The following TCFL5 variants were observed in gnomAD, a reference collection of about 807,000 sequenced individuals.
The protein encoded by TCFL5 is transcription factor like 5.
A neutral mutation model predicts 44.3 loss-of-function variants in TCFL5; 9 were observed. The ratio of observed to expected loss-of-function variants is 0.20; its 90% CI spans 0.12 to 0.35. TCFL5 has a LOEUF of 0.35. Ranked by LOEUF, TCFL5 falls within the 10% of genes least tolerant of loss-of-function variation. The pLI, the probability that TCFL5 is intolerant of heterozygous loss-of-function variation, is 1.00. For missense variants in TCFL5, 603 were observed against 613.4 expected, an observed-to-expected ratio of 0.98 and a Z score of 0.18; for synonymous variants, 319 against 271.6, an observed-to-expected ratio of 1.17 and a Z score of -1.72.
At chr20:62,849,807 T>A (rs1398454718) in intron 5 of TCFL5, among the ~76,000 whole-genome samples, 1 of 151,730 alleles carries the variant, frequency 6.6e-6, no homozygotes, top group Non-Finnish European at 1.5e-5. Context: ...AAAATAAAAT[T>A]AGCTGGTCAT....
In TCFL5 at chr20:62,861,821, G is replaced by C. The variant is rs2064021246; in HGVS notation, c.-151C>G. 1 of 148,364 alleles carries C rather than the reference G, an allele frequency of 6.7e-6. No individual in the cohort carries two copies. The highest frequency in any genetic ancestry group is 6.7e-5 in the Admixed American group (1 of 14,886). The allele number at this position is 148,364 out of a possible 1,614,324, so 9.2% of individuals were successfully genotyped here. On this transcript the variant is annotated 5_prime_UTR_variant, in exon 1 of 6. Coordinates refer to ENST00000335351, the MANE Select transcript of TCFL5 (RefSeq NM_006602.4). The surrounding 1 kb of genome is among the most constrained non-coding windows in gnomAD (Gnocchi z 4.0). ...CCGTTGGGGGAGGGAAAACCGCTGA[G>C]TGCCGCGCACAGCGCCTGCGCCGCC...
intron 5 of TCFL5, chr20:62,845,688 G>A (rs900099147): frequency 6.2e-7 from 1 of 1,606,642 alleles, no homozygotes; most frequent in Non-Finnish European, 8.5e-7. Flanking sequence ...TGACGAGGTG[G>A]AAATCGAGGA....
chr20:62,860,227 T>A lies in TCFL5; in HGVS notation c.729A>T (p.Lys243Asn). The A allele has an allele frequency of 6.2e-7, 1 of 1,613,926 alleles. No homozygotes were observed. Reference sequence around the variant, plus strand: ...CAGTAGTTGTAGCCGCAGTTTTATTTTTCACTAATGCTGTACATTTGTTTT... The same window carrying A: ...CAGTAGTTGTAGCCGCAGTTTTATTATTCACTAATGCTGTACATTTGTTTT... Reference protein sequence around the residue: ...QQQNKCTALVKNKTAATTTAL... With the variant: ...QQQNKCTALVNNKTAATTTAL... Residue 243 changes from lysine (K) to asparagine (N), a missense_variant, in exon 2 of 6, where the codon AAA becomes AAT. Physicochemically the swap from Lys to Asn is moderately conservative, Grantham distance 94. Coordinates refer to ENST00000335351, the MANE Select transcript of TCFL5 (RefSeq NM_006602.4).
chr20:62,842,296 T>C lies in TCFL5; in HGVS notation c.1381-199A>G, dbSNP rs1261139538. ...AGATTTTAACTTTTTTTTTTTCAAA[T>C]AGCAGTTACACTGTACATGTACTTT... On this transcript the variant is annotated intron_variant, in intron 5 of 5. Coordinates refer to ENST00000335351, the MANE Select transcript of TCFL5 (RefSeq NM_006602.4). The surrounding 1 kb of genome is among the most constrained non-coding windows in gnomAD (Gnocchi z 4.3). 6.6e-6 allele frequency among the ~76,000 whole-genome samples: 1 copy of C among 152,070 alleles called. No individual in the cohort carries two copies. Among genetic ancestry groups the C allele is most frequent in the Non-Finnish European group, 1.5e-5 (1 of 68,024 alleles).
rs186507096 is a variant in TCFL5 at position 62,849,202 on chromosome 20, A to C, written c.1380+4814T>G. Among the ~76,000 whole-genome samples, 1,055 of 152,038 alleles carry C rather than the reference A, an allele frequency of 6.9e-3. 12 individuals are homozygous for C. The highest frequency in any genetic ancestry group is 0.024 in the African/African-American group (999 of 41,500). On this transcript the variant is annotated intron_variant, in intron 5 of 5. Transcript: ENST00000335351. ...CGGAAGTATTTAAGTATAAAGAAGC[A>C]TGGTGTCTGCAGCTTACTATCAAAT... is the stretch of plus-strand genomic sequence containing the variant.
At chr20:62,849,963 A>C (rs2063787127) in intron 5 of TCFL5, among the ~76,000 whole-genome samples, 1 of 144,820 alleles carries the variant, frequency 6.9e-6, no homozygotes, top group Non-Finnish European at 1.5e-5. Context: ...AAAAAAATAA[A>C]ACAAAACAAA....
chr20:62,854,577 C>T (rs2063859172), intron 4 of TCFL5, among the ~76,000 whole-genome samples: 1 of 152,230 alleles, frequency 6.6e-6, no homozygotes, highest in South Asian at 2.1e-4. Flanking sequence ...ACTGATATTA[C>T]TTGCCCTTCA....
chr20:62,845,387 T>C, intron 5 of TCFL5: 6 of 1,185,880 alleles, frequency 5.1e-6, no homozygotes, highest in South Asian at 1.7e-5. Flanking sequence ...CTTCCCAAAG[T>C]GCTGGGATTA....
At chr20:62,846,916 G>A (rs2063751660) in intron 5 of TCFL5, among the ~76,000 whole-genome samples, 1 of 152,094 alleles carries the variant, frequency 6.6e-6, no homozygotes. Flanking sequence ...CGGGTGCAGT[G>A]GCTCACACCT....
In TCFL5 at chr20:62,861,361, G is replaced by A. The variant is rs769773073; in HGVS notation, c.310C>T (p.Pro104Ser). 10 of 1,066,672 alleles carry A rather than the reference G, an allele frequency of 9.4e-6. No individual in the cohort carries two copies. The highest frequency in any genetic ancestry group is 8.2e-5 in the South Asian group (2 of 24,440). 66.1% of individuals were successfully genotyped at this position (1,066,672 alleles called of 1,614,324 possible). The change falls in exon 1 of 6, where the codon CCC becomes TCC. Residue 104 changes from proline to serine, a missense_variant. Physicochemically the swap from Pro to Ser is moderately conservative, Grantham distance 74. Around this residue, in one of 4 missense-constraint regions of TCFL5, gnomAD observed 540 missense variants for 478.7 expected, o/e 1.13. Coordinates refer to ENST00000335351, the MANE Select transcript of TCFL5 (RefSeq NM_006602.4). This position sits in a 1 kb window ranked among gnomAD's most constrained non-coding sequence, Gnocchi z 4.0. ...FAAGGQGGAAPVYPVLCPSAL... is the reference protein window; with the variant it reads ...FAAGGQGGAASVYPVLCPSAL... ...GACGGGCACAGCACGGGGTACACGG[G>A]CGCCGCGCCCCCCTGACCGCCCGCC...
At chr20:62,847,970 G>A (rs969832298) in intron 5 of TCFL5, among the ~76,000 whole-genome samples, 19 of 137,634 alleles carry the variant, frequency 1.4e-4, no homozygotes, top group African/African-American at 5.0e-4. Context: ...GACAAGCGCC[G>A]GGCAGCCGGG....
chr20:62,860,139 G>A lies in TCFL5; in HGVS notation c.817C>T (p.Leu273Phe), dbSNP rs1472039905. Residue 273 changes from leucine to phenylalanine, a missense_variant, in exon 2 of 6, where the codon CTT becomes TTT. Transcript: ENST00000335351. ...ATGTTCCCTACCTGTGTCTGTGAAA[G>A]ATTAGAATTTCCACTAGTAGAGCAA... ...NACSTSGNSNLSQTQSSSNSC... is the reference protein window; with the variant it reads ...NACSTSGNSNFSQTQSSSNSC... The A allele has an allele frequency of 1.9e-6, 3 of 1,608,976 alleles. No homozygotes were observed. Among genetic ancestry groups the A allele is most frequent in the South Asian group, 1.1e-5 (1 of 90,948 alleles).
At chr20:62,843,731 A>C (rs1367699027) in intron 5 of TCFL5, among the ~76,000 whole-genome samples, 3 of 152,182 alleles carry the variant, frequency 2.0e-5, no homozygotes. Context: ...CTCCGTACCC[A>C]TTAAACACTA....
intron 5 of TCFL5, among the ~76,000 whole-genome samples, chr20:62,853,775 TC>T (rs1484907596): frequency 2.0e-5 from 3 of 152,216 alleles, no homozygotes; most frequent in African/African-American, 7.2e-5. Flanking sequence ...CAATTTGCTA[TC>T]TGACAATTGC....
intron 5 of TCFL5, chr20:62,851,643 AAT>A: frequency 1.0e-6 from 1 of 985,428 alleles, no homozygotes; most frequent in Non-Finnish European, 1.2e-6. Context: ...TTAAATGTAT[AAT>A]GTAAATAAAC....
chr20:62,856,816 C>T (rs568034783), intron 4 of TCFL5, among the ~76,000 whole-genome samples: 68 of 152,086 alleles, frequency 4.5e-4, no homozygotes, highest in African/African-American at 1.6e-3. Flanking sequence ...GGCCTGCAGT[C>T]AGGGCTGGCC....
In TCFL5 at chr20:62,859,351, C is replaced by T; in HGVS notation, c.994+13G>A. 1 of 1,600,400 alleles carries T rather than the reference C, an allele frequency of 6.2e-7. No individual in the cohort carries two copies. Among genetic ancestry groups the T allele is most frequent in the Non-Finnish European group, 8.5e-7 (1 of 1,170,918 alleles). ...AGAAGAAAGCTCCCACTACCTGCTGCTTCATCGCTTACCTCCCACTTTAAT... is the reference window on the plus strand; with the variant it reads ...AGAAGAAAGCTCCCACTACCTGCTGTTTCATCGCTTACCTCCCACTTTAAT... On this transcript the variant is annotated intron_variant, in intron 3 of 5. Transcript: ENST00000335351.
Position 62,860,134 on chromosome 20 carries a change from T to C in TCFL5, c.822A>G (p.Ser274=), listed in dbSNP as rs1344677499. 2 of 1,606,972 alleles carry C rather than the reference T, an allele frequency of 1.2e-6. No individual in the cohort carries two copies. The highest frequency in any genetic ancestry group is 1.3e-5 in the African/African-American group (1 of 74,828). ...ACSTSGNSNL[S]QTQSSSNSCS... is the part of the protein sequence containing the mutation. ...AAATCATGTTCCCTACCTGTGTCTGTGAAAGATTAGAATTTCCACTAGTAG... is the reference window on the plus strand; with the variant it reads ...AAATCATGTTCCCTACCTGTGTCTGCGAAAGATTAGAATTTCCACTAGTAG... Residue 274 remains serine, a synonymous_variant, in exon 2 of 6, where the codon TCA becomes TCG. Transcript: ENST00000335351.
At chr20:62,848,006 C>T (rs1186757640) in intron 5 of TCFL5, among the ~76,000 whole-genome samples, 2 of 152,168 alleles carry the variant, frequency 1.3e-5, no homozygotes, top group Non-Finnish European at 2.9e-5. Flanking sequence ...GAGAAATGGG[C>T]GGTTGCCAGT....
Sources: gnomAD v4.1 joint callset for allele counts (sites outside exome capture counted in the v4.1 genomes callset) on GRCh38, gnomAD v4.1.1 for gene constraint, gnomAD v4.1.1 regional missense constraint, Gnocchi (gnomAD v3.1) non-coding constraint, MANE v1.5 for transcripts, NCBI Gene and HGNC (gene_info 2026-07-23, HGNC 2026-07-21) for gene names.